ABTB3: variants seen among roughly 807,000 people sequenced by gnomAD.
ABTB3 encodes the protein ankyrin repeat- and BTB/POZ domain-containing protein 3.
chr12:107,552,767 G>C, the ABTB3 span, among the ~76,000 whole-genome samples: 2 of 152,260 alleles, frequency 1.3e-5, no homozygotes, highest in East Asian at 3.9e-4. Context: ...CTCTTGAAAT[G>C]CTTCCTTCCC....
At chr12:107,401,841 T>C in the ABTB3 span, among the ~76,000 whole-genome samples, 1 of 151,782 alleles carries the variant, frequency 6.6e-6, no homozygotes, top group South Asian at 2.1e-4. Flanking sequence ...CTTTTTCATT[T>C]TAAAATCCTA....
chr12:107,464,734 G>A, the ABTB3 span, among the ~76,000 whole-genome samples: 1 of 152,232 alleles, frequency 6.6e-6, no homozygotes, highest in Non-Finnish European at 1.5e-5. Context: ...GTAAGCTTAT[G>A]TATTTGAGCA....
chr12:107,363,399 G>A, the ABTB3 span, among the ~76,000 whole-genome samples: 1 of 152,202 alleles, frequency 6.6e-6, no homozygotes, highest in Non-Finnish European at 1.5e-5. Context: ...GCCTCATTAA[G>A]GATCTGCTTT....
the ABTB3 span, among the ~76,000 whole-genome samples, chr12:107,465,823 C>T: frequency 6.6e-6 from 1 of 152,174 alleles, no homozygotes; most frequent in Non-Finnish European, 1.5e-5. Flanking sequence ...CATCCACACA[C>T]ACAGTCGCGT....
the ABTB3 span, among the ~76,000 whole-genome samples, chr12:107,322,564 A>G: frequency 1.3e-5 from 2 of 152,202 alleles, no homozygotes; most frequent in Non-Finnish European, 2.9e-5. Context: ...ACTTGGTAGC[A>G]TCATTTATTT....
the ABTB3 span, among the ~76,000 whole-genome samples, chr12:107,350,814 C>T: frequency 6.6e-6 from 1 of 152,190 alleles, no homozygotes; most frequent in Non-Finnish European, 1.5e-5. Context: ...AACAGCATTA[C>T]TGAAGGGTCT....
the ABTB3 span, among the ~76,000 whole-genome samples, chr12:107,439,449 C>G: frequency 6.6e-6 from 1 of 152,190 alleles, no homozygotes; most frequent in African/African-American, 2.4e-5. Context: ...CACCCATTCC[C>G]TTATAGTGAG....
chr12:107,621,206 TCCCTGGGCCACCTGCAGG>T, the ABTB3 span, among the ~76,000 whole-genome samples: 1 of 152,116 alleles, frequency 6.6e-6, no homozygotes, highest in Non-Finnish European at 1.5e-5. Context: ...TAGCCCGGTG[TCCCTGGGCCACCTGCAGG>T]CTAGATTTGT....
the ABTB3 span, among the ~76,000 whole-genome samples, chr12:107,455,829 C>G: frequency 1.3e-5 from 2 of 152,184 alleles, 1 homozygote; most frequent in South Asian, 4.2e-4. Context: ...TCCACTGTCT[C>G]TAATCCTATA....
the ABTB3 span, among the ~76,000 whole-genome samples, chr12:107,413,938 T>C: frequency 6.6e-6 from 1 of 152,240 alleles, no homozygotes; most frequent in African/African-American, 2.4e-5. Flanking sequence ...GAAATGCACA[T>C]TGTGGATCCC....
the ABTB3 span, among the ~76,000 whole-genome samples, chr12:107,632,718 G>A: frequency 7.2e-5 from 11 of 152,174 alleles, no homozygotes; most frequent in African/African-American, 2.4e-4. Context: ...GCAAAATCAA[G>A]GAGTCAGCAG....
the ABTB3 span, among the ~76,000 whole-genome samples, chr12:107,608,161 A>G: frequency 6.6e-6 from 1 of 152,264 alleles, no homozygotes; most frequent in Non-Finnish European, 1.5e-5. Context: ...ACAGGCACAC[A>G]TGGAGAAGTC....
At chr12:107,369,707 G>GTT in the ABTB3 span, among the ~76,000 whole-genome samples, 10 of 76,152 alleles carry the variant, frequency 1.3e-4, no homozygotes, top group Non-Finnish European at 2.1e-4. Flanking sequence ...CCCAAACATG[G>GTT]TTTTTTTTTT....
At chr12:107,580,055 T>C in the ABTB3 span, among the ~76,000 whole-genome samples, 1 of 152,146 alleles carries the variant, frequency 6.6e-6, no homozygotes, top group Non-Finnish European at 1.5e-5. Flanking sequence ...ACCAGTAGCA[T>C]CCGTATCAGG....
chr12:107,520,633 TTGAG>T, the ABTB3 span: 3 of 1,614,094 alleles, frequency 1.9e-6, no homozygotes, highest in Non-Finnish European at 2.5e-6. Flanking sequence ...CATCGCCGAA[TTGAG>T]TAAGTAGATG....
chr12:107,427,548 G>C, the ABTB3 span, among the ~76,000 whole-genome samples: 1 of 152,104 alleles, frequency 6.6e-6, no homozygotes, highest in Non-Finnish European at 1.5e-5. Context: ...GCCTGGCTCT[G>C]TGTCCCTCTT....
At chr12:107,502,368 C>A in the ABTB3 span, among the ~76,000 whole-genome samples, 2 of 151,974 alleles carry the variant, frequency 1.3e-5, no homozygotes, top group African/African-American at 2.4e-5. Flanking sequence ...CCGTGCCCAG[C>A]CAGCATTGGT....
the ABTB3 span, among the ~76,000 whole-genome samples, chr12:107,568,761 T>A: frequency 5.3e-5 from 8 of 152,114 alleles, no homozygotes; most frequent in Admixed American, 2.0e-4. Context: ...CAAAATATGG[T>A]ACTATTATTT....
At chr12:107,524,383 T>C in the ABTB3 span, among the ~76,000 whole-genome samples, 5 of 152,308 alleles carry the variant, frequency 3.3e-5, no homozygotes, top group South Asian at 2.1e-4. Flanking sequence ...AGAGCTGTTC[T>C]TCATATTCAA....
Sources: allele counts gnomAD v4.1 joint callset (sites outside exome capture counted in the v4.1 genomes callset), GRCh38; gene constraint gnomAD v4.1.1; transcripts MANE v1.5; gene names NCBI Gene and HGNC (gene_info 2026-07-23, HGNC 2026-07-21).